The following RAF1 variants were observed in gnomAD, a reference collection of about 807,000 sequenced individuals.
RAF1 encodes the protein Raf-1 proto-oncogene, serine/threonine kinase.
RAF1 carries 27 observed loss-of-function variants against 81.1 expected under a neutral mutation model. The ratio of observed to expected loss-of-function variants is 0.33; its 90% CI spans 0.25 to 0.46. The LOEUF (loss-of-function observed/expected upper bound fraction) is 0.46. RAF1 is among the 20% of genes least tolerant of loss of function. The pLI is 1.00. For missense variants in RAF1, 598 were observed against 826.0 expected (o/e 0.72, Z 3.38); for synonymous variants, 298 against 294.0 (o/e 1.01, Z -0.14).
intron 1 of RAF1, among the ~76,000 whole-genome samples, chr3:12,652,605 G>C (rs1319333081): frequency 6.6e-6 from 1 of 152,144 alleles, no homozygotes; most frequent in Non-Finnish European, 1.5e-5. Flanking sequence ...ACACTTGAGA[G>C]AAATGTAAAC....
In RAF1 at chr3:12,604,237, G is replaced by A. The variant is rs2058956467; in HGVS notation, c.733C>T (p.Pro245Ser). Residue 245 changes from proline to serine, a missense_variant, in exon 7 of 18, where the codon CCC (proline) becomes TCC (serine). Transcript: ENST00000442415. ...TGGGAGAGGGAACCTTCAGATGAGG[G>A]ACTGGAGGTGTTAAAGGTGAAGGCG... 6.2e-7 allele frequency: 1 copy of A among 1,614,150 alleles called. No homozygotes were observed. The highest frequency in any genetic ancestry group is 1.1e-5 in the South Asian group (1 of 91,078).
intron 1 of RAF1, among the ~76,000 whole-genome samples, chr3:12,626,273 A>G (rs1055752247): frequency 6.6e-6 from 1 of 151,068 alleles, no homozygotes; most frequent in Non-Finnish European, 1.5e-5. Flanking sequence ...TAAACCAAAC[A>G]TTAAAAAAAA....
At chr3:12,611,614 G>A (rs1185800413) in intron 3 of RAF1, among the ~76,000 whole-genome samples, 1 of 152,144 alleles carries the variant, frequency 6.6e-6, no homozygotes, top group East Asian at 1.9e-4. Flanking sequence ...GCAGGAAAAT[G>A]GCGTGAACCC....
Position 12,585,178 on chromosome 3 carries a change from A to G in RAF1, c.1672T>C (p.Leu558=), listed in dbSNP as rs762584828. The change falls in exon 16 of 18, where the codon TTG becomes CTG. Residue 558 remains leucine, a synonymous_variant. Coordinates refer to ENST00000442415, the MANE Select transcript of RAF1 (RefSeq NM_001354689.3). ...AGCTCCCCCGTCATCAGTTCATACA[A>G]TACGATGCCATAGGAGTAGACATCC... 1 of 1,614,028 alleles carries G rather than the reference A, an allele frequency of 6.2e-7. No individual in the cohort carries two copies. Among genetic ancestry groups the G allele is most frequent in the Non-Finnish European group, 8.5e-7 (1 of 1,180,024 alleles).
chr3:12,659,164 G>A (rs115403438), intron 1 of RAF1, among the ~76,000 whole-genome samples: 2,101 of 151,914 alleles, frequency 0.014, 25 homozygotes, highest in Non-Finnish European at 0.023. Context: ...ATGCCTGAGC[G>A]AGCCTGTAAT....
intron 13 of RAF1, chr3:12,587,881 A>T (rs1412816550): frequency 8.8e-6 from 3 of 341,604 alleles, no homozygotes; most frequent in Non-Finnish European, 1.6e-5. Context: ...TCAATAGCTT[A>T]CTGCAGCCTT....
chr3:12,642,157 C>T (rs2060207109), intron 1 of RAF1, among the ~76,000 whole-genome samples: 1 of 147,144 alleles, frequency 6.8e-6, no homozygotes, highest in Non-Finnish European at 1.5e-5. Flanking sequence ...TCAAAAAAAT[C>T]AATTAATTTA....
rs182981543 is a variant in RAF1 at position 12,662,615 on chromosome 3, C to T, written c.-27+1198G>A. Among the ~76,000 whole-genome samples, 15 of 152,094 alleles carry T rather than the reference C, an allele frequency of 9.9e-5. No individual in the cohort carries two copies. In the East Asian group the frequency reaches 2.7e-3, roughly 27 times the overall value. ...CTCATCTCTCACCATTTCCTTCCTG[C>T]ACCCCAGGCAATTTGCTGCTCCCCA... On this transcript the variant is annotated intron_variant, in intron 1 of 17. Coordinates refer to ENST00000442415, the MANE Select transcript of RAF1 (RefSeq NM_001354689.3).
intron 1 of RAF1, among the ~76,000 whole-genome samples, chr3:12,633,709 G>A (rs2059930985): frequency 6.6e-6 from 1 of 151,530 alleles, no homozygotes; most frequent in Admixed American, 6.6e-5. Context: ...GCCGAGGCGG[G>A]CGGATCATGA....
chr3:12,618,409 C>T (rs1315733981), intron 2 of RAF1, 106 bp downstream of exon 2: 1 of 1,220,358 alleles, frequency 8.2e-7, no homozygotes, highest in African/African-American at 1.5e-5. Flanking sequence ...AAATAAAGAC[C>T]CTAAATGACA....
intron 1 of RAF1, among the ~76,000 whole-genome samples, chr3:12,647,328 T>C (rs1267064443): frequency 5.5e-5 from 8 of 146,100 alleles, no homozygotes; most frequent in Admixed American, 4.8e-4. Context: ...AGGCCAGGCA[T>C]GGTGGCTCAC....
At chr3:12,657,947 T>C (rs969243172) in intron 1 of RAF1, among the ~76,000 whole-genome samples, 3 of 152,134 alleles carry the variant, frequency 2.0e-5, no homozygotes, top group African/African-American at 4.8e-5. Flanking sequence ...CCTGATCTAC[T>C]TTCTGTCACT....
In RAF1 at chr3:12,608,375, CTCAATG is replaced by C. The variant is rs529256015; in HGVS notation, c.581+385_581+390del. 45 of 176,354 alleles carry C rather than the reference CTCAATG, an allele frequency of 2.6e-4. No homozygotes were observed. In the South Asian group the frequency reaches 5.9e-3, roughly 23 times the overall value. The allele number at this position is 176,354 out of a possible 1,614,324, so 10.9% of individuals were successfully genotyped here. On this transcript the variant is annotated intron_variant, in intron 5 of 17. Transcript: ENST00000442415. ...GCATCAACGGTGCTTTCTGCTCCTT[CTCAATG>C]TCAAAGGCTCATTCAGCATATTCAA...
intron 1 of RAF1, among the ~76,000 whole-genome samples, chr3:12,663,352 G>GT (rs1230271322): frequency 2.6e-4 from 40 of 152,316 alleles, no homozygotes; most frequent in African/African-American, 9.1e-4. Context: ...GCACTGGCCA[G>GT]TTTCCTCCTC....
At chr3:12,659,686 GAAC>G (rs1559498162) in intron 1 of RAF1, among the ~76,000 whole-genome samples, 3 of 151,922 alleles carry the variant, frequency 2.0e-5, no homozygotes, top group East Asian at 3.9e-4. Context: ...CCCAAGATCT[GAAC>G]AACTTAAAAA....
rs755540308 is a variant in RAF1, at chr3:12,604,116, C to A, written c.834+20G>T. 6.2e-7 allele frequency: 1 copy of A among 1,613,632 alleles called. No homozygotes were observed. Among genetic ancestry groups the A allele is most frequent in the East Asian group, 2.2e-5 (1 of 44,882 alleles). On this transcript the variant is annotated intron_variant, in intron 7 of 17. Transcript: ENST00000442415. ...CCCCATTAATTGACTGACATTACCACCCCCAAGGTGCCCTATTACCTCAAT... is the reference window on the plus strand; with the variant it reads ...CCCCATTAATTGACTGACATTACCAACCCCAAGGTGCCCTATTACCTCAAT...
chr3:12,624,966 A>C (rs927052566), intron 1 of RAF1, among the ~76,000 whole-genome samples: 12 of 152,166 alleles, frequency 7.9e-5, no homozygotes, highest in East Asian at 1.9e-4. Context: ...TGCAAAAAAA[A>C]CAGGAAATTA....
At chr3:12,629,888 T>A (rs1304071100) in intron 1 of RAF1, among the ~76,000 whole-genome samples, 1 of 152,182 alleles carries the variant, frequency 6.6e-6, no homozygotes, top group Non-Finnish European at 1.5e-5. Context: ...GTTCAAGCAA[T>A]CCTCCTGCCT....
intron 1 of RAF1, among the ~76,000 whole-genome samples, chr3:12,627,807 T>C (rs939051119): frequency 1.3e-5 from 2 of 152,230 alleles, no homozygotes; most frequent in African/African-American, 4.8e-5. Flanking sequence ...TTATTCCCTA[T>C]GTGAATATTT....
Sources: allele counts gnomAD v4.1 joint callset (sites outside exome capture counted in the v4.1 genomes callset), GRCh38; gene constraint gnomAD v4.1.1; transcripts MANE v1.5; gene names NCBI Gene and HGNC (gene_info 2026-07-23, HGNC 2026-07-21).